ADRA1B: variants seen among roughly 807,000 people sequenced by gnomAD.
ADRA1B encodes the protein alpha-1B adrenergic receptor.
In ADRA1B, 17 loss-of-function variants were observed where a neutral mutation model predicts 17.9. That is an observed-to-expected ratio of 0.95 (90% CI 0.65 to 1.42). The LOEUF is 1.42. Ranked by LOEUF, ADRA1B falls within the 40% of genes most tolerant of loss-of-function variation. The pLI, the probability that ADRA1B is intolerant of heterozygous loss-of-function variation, is 0.00. For synonymous variants in ADRA1B, 366 were observed against 327.6 expected (o/e 1.12, Z -1.27); for missense variants, 681 against 722.1 (o/e 0.94, Z 0.65).
intron 1 of ADRA1B, among the ~76,000 whole-genome samples, chr5:159,959,199 AAAG>A (rs150594847): frequency 0.012 from 1,847 of 152,352 alleles, 17 homozygotes; most frequent in Middle Eastern, 0.027. Context: ...GGTAAATAAA[AAAG>A]AAGAAGTCTG....
intron 1 of ADRA1B, among the ~76,000 whole-genome samples, chr5:159,945,749 T>G (rs376562600): frequency 3.0e-4 from 35 of 115,426 alleles, no homozygotes; most frequent in Non-Finnish European, 3.5e-4. Flanking sequence ...TTTTTGTTTG[T>G]TTGTTTTTTT....
At chr5:159,971,589 C>G (rs933364738) in intron 1 of ADRA1B, among the ~76,000 whole-genome samples, 9 of 152,180 alleles carry the variant, frequency 5.9e-5, no homozygotes, top group African/African-American at 2.2e-4. Context: ...TTGAAGGTGG[C>G]AAGTGCTGCC....
chr5:159,953,151 G>A (rs1447060916), intron 1 of ADRA1B, among the ~76,000 whole-genome samples: 3 of 152,014 alleles, frequency 2.0e-5, no homozygotes, highest in African/African-American at 4.8e-5. Flanking sequence ...ACCTGAGGTC[G>A]GAAATTCGAG....
At chr5:159,912,531 G>C (rs368738726), upstream of ADRA1B, among the ~76,000 whole-genome samples, 18 of 152,314 alleles carry the variant, frequency 1.2e-4, no homozygotes, top group African/African-American at 3.8e-4. Flanking sequence ...TTACTAAGGA[G>C]CCTGGTCACA....
intron 1 of ADRA1B, among the ~76,000 whole-genome samples, chr5:159,898,852 A>T (rs1754064199): frequency 6.6e-6 from 1 of 152,234 alleles, no homozygotes; most frequent in Non-Finnish European, 1.5e-5. Context: ...GCTACAATTG[A>T]AAACTAGTGG....
intron 1 of ADRA1B, chr5:159,948,317 C>G: frequency 6.1e-6 from 6 of 985,436 alleles, no homozygotes; most frequent in Non-Finnish European, 7.2e-6. Context: ...ACTTTATGCT[C>G]ACCCTTTCAT....
intron 1 of ADRA1B, chr5:159,871,148 C>G (rs1301483712): frequency 1.3e-5 from 2 of 152,210 alleles, no homozygotes; most frequent in African/African-American, 2.4e-5. Flanking sequence ...TTGCTCTGCT[C>G]TCAGCCTCCC....
chr5:159,975,937 C>G (rs1229570708), downstream of ADRA1B, among the ~76,000 whole-genome samples: 1 of 152,176 alleles, frequency 6.6e-6, no homozygotes, highest in African/African-American at 2.4e-5. Context: ...AATCTGCCAA[C>G]CCCAGTCAAG....
intron 1 of ADRA1B, among the ~76,000 whole-genome samples, chr5:159,958,619 T>TTA (rs1331163053): frequency 6.6e-6 from 1 of 152,176 alleles, no homozygotes; most frequent in Non-Finnish European, 1.5e-5. Context: ...TTTTGGATTA[T>TTA]TTAGCTCTCC....
intron 1 of ADRA1B, among the ~76,000 whole-genome samples, chr5:159,940,892 C>T (rs947899338): frequency 1.3e-5 from 2 of 152,178 alleles, no homozygotes; most frequent in Admixed American, 1.3e-4. Context: ...ACATGAAATG[C>T]CAGCTTTCCA....
chr5:159,886,466 G>A (rs1753923780), intron 1 of ADRA1B, among the ~76,000 whole-genome samples: 1 of 152,188 alleles, frequency 6.6e-6, no homozygotes, highest in Admixed American at 6.5e-5. Context: ...TGGAGGATGA[G>A]TTGGCAGGTC....
the ADRA1B span, among the ~76,000 whole-genome samples, chr5:159,978,398 G>A: frequency 6.6e-6 from 1 of 152,194 alleles, no homozygotes. Context: ...GTAAGAAGTG[G>A]CATCTGATGA....
At chr5:159,882,497 C>T (rs1004237467) in intron 1 of ADRA1B, among the ~76,000 whole-genome samples, 6 of 152,226 alleles carry the variant, frequency 3.9e-5, no homozygotes, top group African/African-American at 1.4e-4. Context: ...TGGTTCCCAG[C>T]TGTGCTGACT....
intron 1 of ADRA1B, among the ~76,000 whole-genome samples, chr5:159,970,981 T>C (rs1057001400): frequency 6.6e-6 from 1 of 152,108 alleles, no homozygotes; most frequent in Admixed American, 6.5e-5. Flanking sequence ...ATGCTTTCTT[T>C]TGTAGAGATG....
At chr5:159,876,145 C>T (rs1382976252) in intron 1 of ADRA1B, among the ~76,000 whole-genome samples, 12 of 152,178 alleles carry the variant, frequency 7.9e-5, no homozygotes, top group East Asian at 5.8e-4. Context: ...ACTGAGATCA[C>T]GCCACTGCAC....
intron 1 of ADRA1B, among the ~76,000 whole-genome samples, chr5:159,881,359 T>G (rs2113088580): frequency 7.1e-6 from 1 of 140,426 alleles, no homozygotes; most frequent in East Asian, 2.0e-4. Flanking sequence ...CCTTTTCTCC[T>G]CTGCCCCTAC....
intron 1 of ADRA1B, among the ~76,000 whole-genome samples, chr5:159,963,915 G>C (rs772509704): frequency 6.6e-6 from 1 of 152,144 alleles, no homozygotes; most frequent in Non-Finnish European, 1.5e-5. Flanking sequence ...GGCACTCAAA[G>C]ACTAAGTGAT....
At chr5:159,875,616 GGATAGGATTCCTGCACAGCCA>G (rs1448209919) in intron 1 of ADRA1B, among the ~76,000 whole-genome samples, 3 of 152,164 alleles carry the variant, frequency 2.0e-5, no homozygotes, top group Non-Finnish European at 4.4e-5. Flanking sequence ...AGCCACAGCT[GGATAGGATTCCTGCACAGCCA>G]GAACCAGCTG....
chr5:159,952,541 G>A (rs1755465133), intron 1 of ADRA1B, among the ~76,000 whole-genome samples: 1 of 152,206 alleles, frequency 6.6e-6, no homozygotes, highest in African/African-American at 2.4e-5. Flanking sequence ...ACATGGGAGA[G>A]CAGGAGCTCA....
Sources: gnomAD v4.1 joint callset for allele counts (sites outside exome capture counted in the v4.1 genomes callset) on GRCh38, gnomAD v4.1.1 for gene constraint, MANE v1.5 for transcripts, NCBI Gene and HGNC (gene_info 2026-07-23, HGNC 2026-07-21) for gene names.